Variants in PRUNE2 observed in about 807,000 individuals in gnomAD.
PRUNE2 encodes prune homolog 2 with BCH domain.
In PRUNE2, 164 loss-of-function variants were observed where a neutral mutation model predicts 252.0. That is an observed-to-expected ratio of 0.65 (90% CI 0.57 to 0.74). PRUNE2 has a LOEUF of 0.74. Ranked by LOEUF, PRUNE2 falls within the 30% of genes least tolerant of loss-of-function variation. The probability of loss-of-function intolerance (pLI) is 0.00; values close to 1 mark genes in which losing one functional copy is unlikely to be tolerated. For missense variants in PRUNE2, 3,495 were observed against 3,711.0 expected, an observed-to-expected ratio of 0.94 and a Z score of 1.51; for synonymous variants, 1,292 against 1,350.2, an observed-to-expected ratio of 0.96 and a Z score of 0.94.
In PRUNE2 at chr9:76,645,452, AATTTGAT is replaced by A. The variant is rs536342821; in HGVS notation, c.8558-550_8558-544del. Among the ~76,000 whole-genome samples, 420 of 152,242 alleles carry A rather than the reference AATTTGAT, an allele frequency of 2.8e-3. 1 individual carries two copies. Among genetic ancestry groups the A allele is most frequent in the African/African-American group, 9.7e-3 (403 of 41,542 alleles). On this transcript the variant is annotated intron_variant, in intron 11 of 18. Transcript: ENST00000376718. The stretch of plus-strand genomic sequence containing the variant: ...CCTATTGGGAGCATATCTGGACATA[AATTTGAT>A]ATTACTTTCTATGTACTGTTTCAAA...
chr9:76,797,529 G>C (rs2056204706), intron 6 of PRUNE2, among the ~76,000 whole-genome samples: 1 of 152,170 alleles, frequency 6.6e-6, no homozygotes, highest in Admixed American at 6.5e-5. Flanking sequence ...CCAAAAGTCT[G>C]AAAATTTAGA....
chr9:76,872,600 AACACACACACACACACAC>A (rs71354690), intron 1 of PRUNE2, among the ~76,000 whole-genome samples: 9 of 139,364 alleles, frequency 6.5e-5, no homozygotes, highest in African/African-American at 1.6e-4. Context: ...GATTATGGAA[AACACACACACACACACAC>A]ACACACACAC....
At chr9:76,674,719 T>C (rs2042175221) in intron 9 of PRUNE2, among the ~76,000 whole-genome samples, 1 of 126,728 alleles carries the variant, frequency 7.9e-6, no homozygotes, top group African/African-American at 2.5e-5. Context: ...AATAGAGATA[T>C]AGATCAATGG....
At chr9:76,904,636 G>A (rs2063374096) in intron 1 of PRUNE2, among the ~76,000 whole-genome samples, 1 of 152,122 alleles carries the variant, frequency 6.6e-6, no homozygotes, top group African/African-American at 2.4e-5. Flanking sequence ...TCATCCATGT[G>A]CTCTAGTAAA....
At chr9:76,692,285 G>A (rs2044848595) in intron 9 of PRUNE2, 8 of 626,894 alleles carry the variant, frequency 1.3e-5, no homozygotes, top group East Asian at 2.8e-5. Flanking sequence ...AGCTGGGGCT[G>A]TGCTGAGTTT....
At position 76,709,209 on chromosome 9, in the gene PRUNE2, C is replaced by G. The variant is rs374436969; in HGVS notation, c.3065G>C (p.Arg1022Pro). The change falls in exon 8 of 19, where the codon CGA (arginine) becomes CCA (proline). Residue 1022 changes from arginine (R) to proline (P), a missense_variant. Physicochemically the swap from Arg to Pro is moderately radical, Grantham distance 103. Transcript: ENST00000376718. ...TAGGTTCCCAGGACCTGAACTGATT[C>G]GATTTCGAGATGACTGTTGCAGTGA... ...PQSLQQSSRN[R>P]ISSGPGNLDM... 3.8e-6 allele frequency: 4 copies of G among 1,046,354 alleles called. No homozygotes were observed. The East Asian group carries it at 8.0e-5, about 21-fold the overall frequency. 64.8% of individuals were successfully genotyped at this position (1,046,354 alleles called of 1,614,324 possible). A position where few individuals can be genotyped will look rare whatever the true frequency, so the allele number is the denominator to read the frequency against.
intron 4 of PRUNE2, among the ~76,000 whole-genome samples, chr9:76,831,248 C>G (rs2058660173): frequency 6.6e-6 from 1 of 151,134 alleles, no homozygotes; most frequent in South Asian, 2.1e-4. Flanking sequence ...TAAAAGAAGG[C>G]AAAATAAAGG....
chr9:76,810,296 G>A (rs1217835595), intron 6 of PRUNE2, among the ~76,000 whole-genome samples: 1 of 152,092 alleles, frequency 6.6e-6, no homozygotes, highest in Non-Finnish European at 1.5e-5. Context: ...TAGTCATGGA[G>A]GTTCAATGAG....
At chr9:76,624,358 C>A (rs896835439) in intron 17 of PRUNE2, 94 bp downstream of exon 17, 2 of 727,590 alleles carry the variant, frequency 2.7e-6, no homozygotes, top group South Asian at 4.3e-5. Context: ...TATCAGGAAG[C>A]AGGAATAAAA....
At chr9:76,792,064 G>C (rs532098915) in intron 6 of PRUNE2, among the ~76,000 whole-genome samples, 4 of 152,270 alleles carry the variant, frequency 2.6e-5, no homozygotes, top group African/African-American at 9.6e-5. Context: ...GGTGGGAGCA[G>C]TGTATAAGTG....
At chr9:76,724,283 AC>A (rs1257182570) in intron 6 of PRUNE2, among the ~76,000 whole-genome samples, 1 of 133,690 alleles carries the variant, frequency 7.5e-6, no homozygotes, top group Admixed American at 8.0e-5. Flanking sequence ...ACATGGTGAG[AC>A]CTGTCTCTGA....
chr9:76,850,402 A>G (rs1478556024), intron 3 of PRUNE2, 61 bp downstream of exon 3: 1 of 1,329,214 alleles, frequency 7.5e-7, no homozygotes, highest in Non-Finnish European at 1.1e-6. Context: ...GTAAAGTGAC[A>G]CTTTGCCCAG....
chr9:76,898,660 C>G (rs2062986541), intron 1 of PRUNE2, among the ~76,000 whole-genome samples: 1 of 151,874 alleles, frequency 6.6e-6, no homozygotes, highest in East Asian at 1.9e-4. Context: ...GAGATTAAAA[C>G]TAAGTAGTAA....
intron 6 of PRUNE2, among the ~76,000 whole-genome samples, chr9:76,730,075 T>TGTGTAATTA (rs1345893048): frequency 6.6e-6 from 1 of 152,256 alleles, no homozygotes; most frequent in Non-Finnish European, 1.5e-5. Context: ...TATTCAAGAT[T>TGTGTAATTA]GTGTAATTAT....
chr9:76,703,225 GC>G, intron 9 of PRUNE2, 111 bp downstream of exon 9: 1 of 913,460 alleles, frequency 1.1e-6, no homozygotes, highest in African/African-American at 1.7e-5. Context: ...TTCAATATAA[GC>G]AAAGCTGCTA....
chr9:76,849,317 C>A (rs1246793375), intron 3 of PRUNE2, among the ~76,000 whole-genome samples: 5 of 152,200 alleles, frequency 3.3e-5, no homozygotes, highest in Non-Finnish European at 5.9e-5. Context: ...ATCAATCCTT[C>A]TCTTGTAGTA....
Position 76,614,285 on chromosome 9 carries a change from T to TATC in PRUNE2, c.*282_*284dup. 2 of 471,734 alleles carry TATC rather than the reference T, an allele frequency of 4.2e-6. No homozygotes were observed. The highest frequency in any genetic ancestry group is 7.5e-6 in the Non-Finnish European group (2 of 267,030). The allele number at this position is 471,734 out of a possible 1,614,324, so 29.2% of individuals were successfully genotyped here. A position where few individuals can be genotyped will look rare whatever the true frequency, so the allele number is the denominator to read the frequency against. ...GTAAACACCAGTCTAAGGGACAAAG[T>TATC]ATCACTACACCGTGTTAATGAAGTA... On this transcript the variant is annotated 3_prime_UTR_variant, in exon 19 of 19. Transcript: ENST00000376718.
intron 1 of PRUNE2, among the ~76,000 whole-genome samples, chr9:76,904,602 C>T (rs1213332006): frequency 2.0e-5 from 3 of 152,176 alleles, no homozygotes; most frequent in African/African-American, 7.2e-5. Context: ...CAAATACTTA[C>T]TTGAGTTTCT....
chr9:76,662,199 G>A (rs545492989), intron 9 of PRUNE2, among the ~76,000 whole-genome samples: 4 of 152,288 alleles, frequency 2.6e-5, no homozygotes, highest in South Asian at 2.1e-4. Flanking sequence ...AAAGAAACAT[G>A]CTCTTAGGTG....
Sources: gnomAD v4.1 joint callset for allele counts (sites outside exome capture counted in the v4.1 genomes callset) on GRCh38, gnomAD v4.1.1 for gene constraint, MANE v1.5 for transcripts, NCBI Gene and HGNC (gene_info 2026-07-23, HGNC 2026-07-21) for gene names.